NEGR1: variants seen among roughly 807,000 people sequenced by gnomAD.
The protein encoded by NEGR1 is IgLON family member 4.
NEGR1 carries 10 observed loss-of-function variants against 40.9 expected under a neutral mutation model. The ratio of observed to expected loss-of-function variants is 0.24; its 90% CI spans 0.15 to 0.42. NEGR1 has a LOEUF of 0.42. NEGR1 is among the 10% of genes least tolerant of loss of function. NEGR1 has a pLI of 1.00. For synonymous variants in NEGR1, 185 were observed against 166.8 expected, an observed-to-expected ratio of 1.11 and a Z score of -0.84; for missense variants, 352 against 438.9, an observed-to-expected ratio of 0.80 and a Z score of 1.77.
chr1:72,140,141 T>C (rs182136831), intron 1 of NEGR1, among the ~76,000 whole-genome samples: 79 of 152,200 alleles, frequency 5.2e-4, no homozygotes, highest in African/African-American at 1.5e-3. Context: ...CTGGAATTAA[T>C]TTCTGAATCC....
chr1:71,426,315 G>A (rs1356233691), intron 6 of NEGR1, among the ~76,000 whole-genome samples: 2 of 152,088 alleles, frequency 1.3e-5, no homozygotes, highest in African/African-American at 4.8e-5. Context: ...TGTTGTTCCT[G>A]CCATGTAAAG....
chr1:71,993,273 C>A (rs1275918579), intron 1 of NEGR1, among the ~76,000 whole-genome samples: 1 of 152,108 alleles, frequency 6.6e-6, no homozygotes, highest in Non-Finnish European at 1.5e-5. Flanking sequence ...TCTAAAAGAA[C>A]TTTGAAGGTA....
At chr1:71,896,217 T>C (rs1254552048) in intron 2 of NEGR1, among the ~76,000 whole-genome samples, 1 of 152,042 alleles carries the variant, frequency 6.6e-6, no homozygotes, top group Non-Finnish European at 1.5e-5. Context: ...TTTGTGTTTT[T>C]AGTAGAGATG....
chr1:72,052,495 T>C (rs893809021), intron 1 of NEGR1, among the ~76,000 whole-genome samples: 5 of 151,432 alleles, frequency 3.3e-5, no homozygotes, highest in African/African-American at 1.2e-4. Context: ...CTAATTCCAC[T>C]TCGTATTATT....
chr1:71,947,089 TACACACACACACACAC>T (rs3078155), intron 1 of NEGR1, among the ~76,000 whole-genome samples: 9 of 129,152 alleles, frequency 7.0e-5, no homozygotes, highest in South Asian at 2.5e-4. Context: ...TCCTGTCTCA[TACACACACACACACAC>T]ACACACACAC....
rs545515552 is a variant in NEGR1, at chr1:71,476,161, T to C, written c.941-68591A>G. ...TTAATCTCATCAATCTTTCCTGATA[T>C]CAACCTGGTTTATCTAAAGAAAATA... On this transcript the variant is annotated intron_variant, in intron 6 of 6. Transcript: ENST00000357731. Among the ~76,000 whole-genome samples, 187 of 152,222 alleles carry C rather than the reference T, an allele frequency of 1.2e-3. 1 individual carries two copies. Among genetic ancestry groups the C allele is most frequent in the Non-Finnish European group, 2.4e-3 (160 of 67,992 alleles).
rs369854282 is a variant in NEGR1 at position 71,712,558 on chromosome 1, A to C, written c.536-14419T>G. ...GTTCTGGCCAGAGAATATAACTTTG[A>C]CTTTTCTGGCGTTTAATTCTTATCA... On this transcript the variant is annotated intron_variant, in intron 3 of 6. Coordinates refer to ENST00000357731, the MANE Select transcript of NEGR1 (RefSeq NM_173808.3). 3.9e-5 allele frequency among the ~76,000 whole-genome samples: 6 copies of C among 152,162 alleles called. 1 individual carries two copies. The South Asian group carries it at 6.2e-4, about 16-fold the overall frequency.
intron 1 of NEGR1, among the ~76,000 whole-genome samples, chr1:72,093,380 T>C (rs977768797): frequency 6.6e-6 from 1 of 150,620 alleles, no homozygotes; most frequent in African/African-American, 2.5e-5. Context: ...AAAAAAATTT[T>C]AGTTATTAAA....
intron 1 of NEGR1, among the ~76,000 whole-genome samples, chr1:72,084,970 T>C (rs140495286): frequency 6.6e-6 from 1 of 152,300 alleles, no homozygotes; most frequent in African/African-American, 2.4e-5. Context: ...AGGACCTTTT[T>C]GGGAATGGTC....
chr1:71,803,935 T>A (rs1412915392), intron 2 of NEGR1, among the ~76,000 whole-genome samples: 2 of 152,138 alleles, frequency 1.3e-5, no homozygotes, highest in African/African-American at 2.4e-5. Context: ...GGAAATGTAT[T>A]TATATTTTCT....
intron 2 of NEGR1, among the ~76,000 whole-genome samples, chr1:71,902,555 G>C (rs1661170103): frequency 6.6e-6 from 1 of 152,090 alleles, no homozygotes; most frequent in South Asian, 2.1e-4. Context: ...GTCAATTTCT[G>C]TAACTCAGGA....
chr1:71,692,962 C>T (rs933277469), intron 4 of NEGR1, among the ~76,000 whole-genome samples: 11 of 151,758 alleles, frequency 7.2e-5, no homozygotes, highest in African/African-American at 2.7e-4. Context: ...TTAGATCTGA[C>T]TTTCATGAGT....
At chr1:72,007,383 TAA>T (rs879491116) in intron 1 of NEGR1, among the ~76,000 whole-genome samples, 9 of 139,098 alleles carry the variant, frequency 6.5e-5, no homozygotes, top group Non-Finnish European at 7.9e-5. Flanking sequence ...ATGAAAGAAT[TAA>T]AAAAAAAAAA....
intron 1 of NEGR1, among the ~76,000 whole-genome samples, chr1:72,020,264 A>G (rs866732452): frequency 6.6e-6 from 1 of 152,164 alleles, no homozygotes; most frequent in Non-Finnish European, 1.5e-5. Flanking sequence ...TAAATCCTGA[A>G]CACTTGCTTA....
chr1:71,505,036 A>G (rs373572862), intron 6 of NEGR1, among the ~76,000 whole-genome samples: 1 of 152,174 alleles, frequency 6.6e-6, no homozygotes, highest in Non-Finnish European at 1.5e-5. Context: ...TAAAACAACC[A>G]GGACAAGTAG....
At chr1:71,608,481 G>A (rs1333043083) in intron 5 of NEGR1, among the ~76,000 whole-genome samples, 2 of 136,404 alleles carry the variant, frequency 1.5e-5, no homozygotes, top group African/African-American at 2.7e-5. Context: ...AAAGTGGACC[G>A]AGGATTACTG....
At chr1:72,081,558 C>CT (rs1366582593) in intron 1 of NEGR1, among the ~76,000 whole-genome samples, 1 of 152,072 alleles carries the variant, frequency 6.6e-6, no homozygotes, top group Admixed American at 6.6e-5. Context: ...GTCTACTAGA[C>CT]TATGAGCATC....
intron 1 of NEGR1, among the ~76,000 whole-genome samples, chr1:72,249,375 T>C (rs376670970): frequency 1.3e-5 from 2 of 152,200 alleles, no homozygotes; most frequent in African/African-American, 2.4e-5. Flanking sequence ...GGCTAAAATA[T>C]GTTTATTCTT....
intron 1 of NEGR1, among the ~76,000 whole-genome samples, chr1:72,123,358 A>T (rs1282750813): frequency 6.6e-6 from 1 of 151,856 alleles, no homozygotes; most frequent in Non-Finnish European, 1.5e-5. Flanking sequence ...GAAAAAAAAA[A>T]TCCCTGTAGG....
Sources: allele counts gnomAD v4.1 joint callset (sites outside exome capture counted in the v4.1 genomes callset), GRCh38; gene constraint gnomAD v4.1.1; transcripts MANE v1.5; gene names NCBI Gene and HGNC (gene_info 2026-07-23, HGNC 2026-07-21).